The following CAP2 variants were observed in gnomAD, a reference collection of about 807,000 sequenced individuals.
CAP2 encodes adenylyl cyclase-associated protein 2.
CAP2 carries 24 observed loss-of-function variants against 57.7 expected under a neutral mutation model. The observed-to-expected ratio is 0.42, with a 90% confidence interval of 0.30 to 0.58. The LOEUF (loss-of-function observed/expected upper bound fraction) is 0.58. Among genes scored for constraint, CAP2 ranks in the 20% least tolerant of loss-of-function variants. CAP2 has a pLI of 0.22. For missense variants in CAP2, 501 were observed against 590.3 expected (o/e 0.85, Z 1.57); for synonymous variants, 194 against 207.2 (o/e 0.94, Z 0.55).
At chr6:17,403,392 A>C (rs1327020997) in intron 1 of CAP2, among the ~76,000 whole-genome samples, 2 of 152,256 alleles carry the variant, frequency 1.3e-5, no homozygotes, top group Non-Finnish European at 2.9e-5. Context: ...CGTGAGCCAC[A>C]GCGCCCAGCC....
chr6:17,547,924 C>A lies in CAP2; in HGVS notation c.1210-3540C>A, dbSNP rs374348934. The stretch of plus-strand genomic sequence containing the variant: ...CTGGAAAAGGAAGAGACAAAAATGC[C>A]CTTATTTCCCAACAAAATAAGTGCC... On this transcript the variant is annotated intron_variant, in intron 11 of 12. Coordinates refer to ENST00000229922, the MANE Select transcript of CAP2 (RefSeq NM_006366.3). 1.1e-4 allele frequency among the ~76,000 whole-genome samples: 17 copies of A among 151,656 alleles called. No homozygotes were observed. The East Asian group carries it at 3.1e-3, about 28-fold the overall frequency.
chr6:17,394,094 C>T (rs1320903329), intron 1 of CAP2, among the ~76,000 whole-genome samples: 1 of 150,286 alleles, frequency 6.7e-6, no homozygotes, highest in African/African-American at 2.4e-5. Context: ...CCTCCCCACC[C>T]CAGCGCCGCC....
chr6:17,512,568 CT>C (rs1283656592), intron 6 of CAP2, among the ~76,000 whole-genome samples: 5 of 152,150 alleles, frequency 3.3e-5, no homozygotes, highest in East Asian at 3.9e-4. Flanking sequence ...ATACTGCTTC[CT>C]ATGTGCTAGG....
intron 11 of CAP2, among the ~76,000 whole-genome samples, chr6:17,544,150 A>G (rs1762984022): frequency 6.6e-6 from 1 of 151,990 alleles, no homozygotes; most frequent in East Asian, 1.9e-4. Context: ...AAAGAAAAAA[A>G]GGACAGCTAT....
chr6:17,493,481 TCA>T (rs1364730508), intron 4 of CAP2: 5 of 258,402 alleles, frequency 1.9e-5, no homozygotes, highest in Non-Finnish European at 3.3e-5. Context: ...GCTGGCTGTC[TCA>T]CAGACTTTTG....
chr6:17,436,098 C>T (rs57135674), intron 3 of CAP2, among the ~76,000 whole-genome samples: 5,082 of 147,624 alleles, frequency 0.034, 220 homozygotes, highest in African/African-American at 0.1. Flanking sequence ...TCCTTCCTTC[C>T]TTCCTTCCTT....
At chr6:17,555,775 C>T (rs1763290328) in intron 12 of CAP2, among the ~76,000 whole-genome samples, 1 of 151,916 alleles carries the variant, frequency 6.6e-6, no homozygotes, top group Non-Finnish European at 1.5e-5. Context: ...CCATGTTGGC[C>T]AGGCTGGTCT....
intron 1 of CAP2, among the ~76,000 whole-genome samples, chr6:17,414,502 G>A (rs953053774): frequency 1.3e-5 from 2 of 152,082 alleles, no homozygotes; most frequent in Admixed American, 1.3e-4. Context: ...AGAACATGGG[G>A]TATTTGGTTT....
At chr6:17,503,379 CG>C (rs1233648128) in intron 4 of CAP2, among the ~76,000 whole-genome samples, 1 of 151,992 alleles carries the variant, frequency 6.6e-6, no homozygotes, top group Non-Finnish European at 1.5e-5. Flanking sequence ...GAGGCCGAGG[CG>C]GGCAGATCAC....
chr6:17,468,748 C>T (rs986106083), intron 4 of CAP2, among the ~76,000 whole-genome samples: 1 of 152,274 alleles, frequency 6.6e-6, no homozygotes, highest in Admixed American at 6.5e-5. Context: ...CAAGAAGCCC[C>T]CACCCTGGCT....
At chr6:17,400,526 T>C (rs1399678060) in intron 1 of CAP2, among the ~76,000 whole-genome samples, 1 of 152,140 alleles carries the variant, frequency 6.6e-6, no homozygotes, top group Non-Finnish European at 1.5e-5. Flanking sequence ...ATGATTGTCA[T>C]CATTTCCTAC....
intron 4 of CAP2, among the ~76,000 whole-genome samples, chr6:17,474,890 T>C (rs984748014): frequency 2.0e-5 from 3 of 152,004 alleles, no homozygotes; most frequent in East Asian, 3.9e-4. Context: ...TCACTTGTTT[T>C]GTTTGAGGAA....
chr6:17,540,637 C>A (rs1364191913), intron 8 of CAP2, among the ~76,000 whole-genome samples: 1 of 152,004 alleles, frequency 6.6e-6, no homozygotes, highest in Non-Finnish European at 1.5e-5. Context: ...GCCTGTAATC[C>A]CAGCTACTTG....
intron 4 of CAP2, among the ~76,000 whole-genome samples, chr6:17,506,726 C>G (rs375649832): frequency 1.3e-5 from 2 of 152,046 alleles, no homozygotes; most frequent in South Asian, 4.1e-4. Context: ...AACCAGGAAG[C>G]CTCTCCCAAA....
chr6:17,472,977 C>T (rs773856097), intron 4 of CAP2, among the ~76,000 whole-genome samples: 11 of 151,514 alleles, frequency 7.3e-5, no homozygotes, highest in Non-Finnish European at 1.3e-4. Context: ...AAACCCAGGA[C>T]TGTGGAGGCA....
At chr6:17,538,052 A>G (rs973322852) in intron 7 of CAP2, among the ~76,000 whole-genome samples, 11 of 151,066 alleles carry the variant, frequency 7.3e-5, no homozygotes, top group Admixed American at 6.6e-4. Context: ...GGGCAACAGA[A>G]CAAGACTCCA....
intron 7 of CAP2, among the ~76,000 whole-genome samples, chr6:17,520,511 T>G (rs990484941): frequency 2.6e-5 from 4 of 152,142 alleles, no homozygotes; most frequent in East Asian, 3.9e-4. Context: ...ATGCAAGTCG[T>G]TGGTGGTGGT....
At chr6:17,413,425 A>C (rs1347898226) in intron 1 of CAP2, among the ~76,000 whole-genome samples, 1 of 152,138 alleles carries the variant, frequency 6.6e-6, no homozygotes, top group Non-Finnish European at 1.5e-5. Flanking sequence ...ACGTGAATGT[A>C]TCTCTTAGTT....
intron 12 of CAP2, among the ~76,000 whole-genome samples, chr6:17,553,595 T>G (rs1255601034): frequency 6.7e-6 from 1 of 148,458 alleles, no homozygotes; most frequent in Non-Finnish European, 1.5e-5. Flanking sequence ...ATCACGCCAC[T>G]GCACTCCAGC....
Sources: gnomAD v4.1 joint callset for allele counts (sites outside exome capture counted in the v4.1 genomes callset) on GRCh38, gnomAD v4.1.1 for gene constraint, MANE v1.5 for transcripts, NCBI Gene and HGNC (gene_info 2026-07-23, HGNC 2026-07-21) for gene names.